PHF24: variants seen among roughly 807,000 people sequenced by gnomAD.
PHF24 encodes Galpha inhibitory interacting protein.
Under a neutral mutation model 42.6 loss-of-function variants are expected in PHF24, and 25 were observed. The observed-to-expected ratio is 0.59, with a 90% confidence interval of 0.43 to 0.82. The LOEUF is 0.82. Ranked by LOEUF, PHF24 falls within the 40% of genes least tolerant of loss-of-function variation. The probability of loss-of-function intolerance (pLI) is 0.00; values close to 1 mark genes in which losing one functional copy is unlikely to be tolerated. For missense variants in PHF24, 470 were observed against 538.1 expected (o/e 0.87, Z 1.25); for synonymous variants, 185 against 204.8 (o/e 0.90, Z 0.83).
the PHF24 span, among the ~76,000 whole-genome samples, chr9:34,707,796 A>G: frequency 6.6e-6 from 1 of 151,412 alleles, no homozygotes; most frequent in South Asian, 2.1e-4. Flanking sequence ...GGCACAATCG[A>G]TCTCACCTCA....
chr9:34,735,457 ATAT>A, the PHF24 span, among the ~76,000 whole-genome samples: 1 of 151,664 alleles, frequency 6.6e-6, no homozygotes, highest in Non-Finnish European at 1.5e-5. Flanking sequence ...TTTCAACAAA[ATAT>A]TATTACAAGG....
the PHF24 span, among the ~76,000 whole-genome samples, chr9:34,702,357 C>CA: frequency 1.3e-5 from 2 of 152,174 alleles, no homozygotes; most frequent in African/African-American, 4.8e-5. Context: ...TCACACAGCG[C>CA]AGGGGATACT....
chr9:34,818,403 A>G, the PHF24 span, among the ~76,000 whole-genome samples: 1 of 152,160 alleles, frequency 6.6e-6, no homozygotes, highest in Non-Finnish European at 1.5e-5. Context: ...GGATTTTGTC[A>G]AATGTATTTT....
At chr9:34,959,922 G>A (rs1826530771) in intron 1 of PHF24, among the ~76,000 whole-genome samples, 1 of 152,168 alleles carries the variant, frequency 6.6e-6, no homozygotes, top group Non-Finnish European at 1.5e-5. Flanking sequence ...TACATGCACC[G>A]GTGGACAATG....
At chr9:34,765,367 T>C in the PHF24 span, among the ~76,000 whole-genome samples, 1 of 149,738 alleles carries the variant, frequency 6.7e-6, no homozygotes, top group Admixed American at 6.7e-5. Flanking sequence ...GGACTTGCTT[T>C]ATGAATCTGG....
At chr9:34,852,476 C>T in the PHF24 span, among the ~76,000 whole-genome samples, 1 of 152,162 alleles carries the variant, frequency 6.6e-6, no homozygotes, top group Non-Finnish European at 1.5e-5. Flanking sequence ...GTAAAGAACA[C>T]CTGAGCTTTT....
chr9:34,905,417 A>T, the PHF24 span, among the ~76,000 whole-genome samples: 13 of 152,266 alleles, frequency 8.5e-5, no homozygotes, highest in Non-Finnish European at 1.3e-4. Flanking sequence ...ACTGTAGGGG[A>T]TATAAAAGTA....
the PHF24 span, among the ~76,000 whole-genome samples, chr9:34,714,771 A>C: frequency 6.6e-6 from 1 of 152,184 alleles, no homozygotes; most frequent in South Asian, 2.1e-4. Context: ...GTAGAAAAAA[A>C]GGAGAGATGG....
chr9:34,905,202 G>A, the PHF24 span, among the ~76,000 whole-genome samples: 5 of 152,086 alleles, frequency 3.3e-5, no homozygotes, highest in African/African-American at 4.8e-5. Context: ...GATTCCCCTC[G>A]TTAGTCTCCA....
the PHF24 span, among the ~76,000 whole-genome samples, chr9:34,948,300 GAAGA>G: frequency 5.3e-5 from 8 of 151,866 alleles, no homozygotes; most frequent in African/African-American, 1.9e-4. Context: ...AATTTTTTTT[GAAGA>G]AAGAAAAACA....
the PHF24 span, among the ~76,000 whole-genome samples, chr9:34,713,547 A>C: frequency 3.3e-5 from 5 of 152,090 alleles, no homozygotes; most frequent in Admixed American, 6.6e-5. Context: ...CAGACTTCTG[A>C]AAGAGTCGAT....
the PHF24 span, among the ~76,000 whole-genome samples, chr9:34,805,687 T>G: frequency 1.3e-5 from 2 of 152,226 alleles, no homozygotes; most frequent in Non-Finnish European, 2.9e-5. Context: ...AGTCCTTTGA[T>G]GTGCAAAAGT....
the PHF24 span, among the ~76,000 whole-genome samples, chr9:34,788,631 C>T: frequency 1.3e-5 from 2 of 152,206 alleles, no homozygotes; most frequent in Admixed American, 1.3e-4. Flanking sequence ...CAAGCACCCA[C>T]ACAAACTTCC....
At chr9:34,844,264 G>T in the PHF24 span, among the ~76,000 whole-genome samples, 1 of 151,344 alleles carries the variant, frequency 6.6e-6, no homozygotes, top group African/African-American at 2.4e-5. Context: ...CATATTTTTT[G>T]TTGTTTTTCT....
At chr9:34,681,672 G>A in the PHF24 span, among the ~76,000 whole-genome samples, 15 of 152,416 alleles carry the variant, frequency 9.8e-5, no homozygotes, top group African/African-American at 3.1e-4. Context: ...GTAGCTGGGT[G>A]TGGTGGTGTG....
chr9:34,883,017 T>G, the PHF24 span, among the ~76,000 whole-genome samples: 1 of 152,118 alleles, frequency 6.6e-6, no homozygotes, highest in Admixed American at 6.5e-5. Flanking sequence ...AAAACAGAGA[T>G]ATAGATCAAT....
the PHF24 span, among the ~76,000 whole-genome samples, chr9:34,946,297 C>G: frequency 6.6e-6 from 1 of 152,182 alleles, no homozygotes; most frequent in Admixed American, 6.5e-5. Context: ...AATATCTTGT[C>G]TATTTAGAAG....
At chr9:34,714,402 G>T in the PHF24 span, among the ~76,000 whole-genome samples, 3 of 152,282 alleles carry the variant, frequency 2.0e-5, no homozygotes, top group Admixed American at 1.3e-4. Flanking sequence ...CTTGGGAGGG[G>T]GCATGCAGAT....
chr9:34,896,741 C>T, the PHF24 span, among the ~76,000 whole-genome samples: 12 of 152,254 alleles, frequency 7.9e-5, no homozygotes, highest in African/African-American at 2.9e-4. Context: ...CACTGATTCT[C>T]ACATTAATGT....
Sources: gnomAD v4.1 joint callset for allele counts (sites outside exome capture counted in the v4.1 genomes callset) on GRCh38, gnomAD v4.1.1 for gene constraint, MANE v1.5 for transcripts, NCBI Gene and HGNC (gene_info 2026-07-23, HGNC 2026-07-21) for gene names.